Variants in RTRAF observed in about 807,000 individuals in gnomAD.
RTRAF encodes tRNA-splicing ligase complex subunit RTRAF.
A neutral mutation model predicts 34.4 loss-of-function variants in RTRAF; 14 were observed. The ratio of observed to expected loss-of-function variants is 0.41; its 90% CI spans 0.27 to 0.64. The LOEUF (loss-of-function observed/expected upper bound fraction) is 0.64, where lower values mean the gene tolerates loss of function less well. Ranked by LOEUF, RTRAF falls within the 30% of genes least tolerant of loss-of-function variation. RTRAF has a pLI of 0.34. For synonymous variants in RTRAF, 96 were observed against 95.3 expected, an observed-to-expected ratio of 1.01 and a Z score of -0.04; for missense variants, 291 against 288.4, an observed-to-expected ratio of 1.01 and a Z score of -0.06.
At chr14:51,999,580 A>G (rs900333921) in intron 4 of RTRAF, 128 bp from the exon 5 acceptor site, 1 of 576,476 alleles carries the variant, frequency 1.7e-6, no homozygotes, top group African/African-American at 1.9e-5. Context: ...TCTTGTGAGT[A>G]GCAGTTTTAA....
intron 5 of RTRAF, 117 bp from the exon 6 acceptor site, chr14:52,001,681 A>C (rs1429408129): frequency 2.8e-6 from 2 of 718,394 alleles, no homozygotes; most frequent in Non-Finnish European, 4.6e-6. Context: ...GAGTTTATTA[A>C]TGAACTTAGG....
Position 51,989,670 on chromosome 14 carries a change from T to C in RTRAF, c.31T>C (p.Tyr11His). MFRRKLTALD[Y>H]HNPAGFNCKD... ...CCGACGCAAGTTGACGGCTCTCGAC[T>C]ACCACAACCCCGCCGGCTTCAACTG... The change falls in exon 1 of 8, where the codon TAC (tyrosine) becomes CAC (histidine). Residue 11 changes from tyrosine (Y) to histidine (H), a missense_variant. Tyr to His is a moderately conservative substitution (Grantham distance 83, BLOSUM62 2). Coordinates refer to ENST00000261700, the MANE Select transcript of RTRAF (RefSeq NM_016039.3). The C allele has an allele frequency of 1.2e-6, 2 of 1,606,458 alleles. No homozygotes were observed. Among genetic ancestry groups the C allele is most frequent in the Non-Finnish European group, 1.7e-6 (2 of 1,176,944 alleles).
At chr14:52,003,903 A>G (rs1566734918) in intron 6 of RTRAF, 2 of 347,602 alleles carry the variant, frequency 5.8e-6, no homozygotes, top group Non-Finnish European at 1.0e-5. Context: ...ATGACAAGGC[A>G]CTGCTGCAAT....
At chr14:52,002,076 C>T (rs1244616673) in intron 6 of RTRAF, among the ~76,000 whole-genome samples, 1 of 152,162 alleles carries the variant, frequency 6.6e-6, no homozygotes, top group Non-Finnish European at 1.5e-5. Flanking sequence ...ATGTTCCTCT[C>T]ACTTTGTACC....
rs1489330500 is a variant in RTRAF at position 52,007,818 on chromosome 14, G to A, written c.*3302G>A. The A allele has an allele frequency of 6.2e-7, 1 of 1,613,564 alleles. No homozygotes were observed. The highest frequency in any genetic ancestry group is 8.5e-7 in the Non-Finnish European group (1 of 1,179,694). On this transcript the variant is annotated 3_prime_UTR_variant, in exon 8 of 8. Coordinates refer to ENST00000261700, the MANE Select transcript of RTRAF (RefSeq NM_016039.3). Reference sequence around the variant, plus strand: ...TCCATCAGTAGTATTACCTGCATCTGCCCAGCAGAGCAGTTTAGAGAAAGG... The same window carrying A: ...TCCATCAGTAGTATTACCTGCATCTACCCAGCAGAGCAGTTTAGAGAAAGG...
chr14:51,999,871 A>T, intron 5 of RTRAF, 75 bp downstream of exon 5: 1 of 1,003,416 alleles, frequency 1.0e-6, no homozygotes, highest in South Asian at 1.5e-5. Context: ...AATATTAACT[A>T]TTGATATTAA....
chr14:52,010,609 T>G lies in RTRAF; in HGVS notation c.*6093T>G. The G allele has an allele frequency of 3.1e-6, 1 of 325,014 alleles. No homozygotes were observed. Among genetic ancestry groups the G allele is most frequent in the South Asian group, 5.4e-5 (1 of 18,460 alleles). 20.1% of individuals were successfully genotyped at this position (325,014 alleles called of 1,614,324 possible). On this transcript the variant is annotated 3_prime_UTR_variant, in exon 8 of 8. Transcript: ENST00000261700. Reference sequence around the variant, plus strand: ...TAGCCCTAGTTCTCACAACACTATCTGAATTTTCTACATATCACATCACAG... The same window carrying G: ...TAGCCCTAGTTCTCACAACACTATCGGAATTTTCTACATATCACATCACAG...
At chr14:51,995,569 C>CT (rs1225001424) in intron 3 of RTRAF, among the ~76,000 whole-genome samples, 1 of 152,104 alleles carries the variant, frequency 6.6e-6, no homozygotes, top group Non-Finnish European at 1.5e-5. Flanking sequence ...ACATGGACAT[C>CT]TTGGGGGGTA....
chr14:52,008,786 G>A lies in RTRAF; in HGVS notation c.*4270G>A, dbSNP rs1034790433. 6.6e-6 allele frequency: 1 copy of A among 152,130 alleles called. No homozygotes were observed. The highest frequency in any genetic ancestry group is 1.5e-5 in the Non-Finnish European group (1 of 68,028). The allele number at this position is 152,130 out of a possible 1,614,324, so 9.4% of individuals were successfully genotyped here. On this transcript the variant is annotated 3_prime_UTR_variant, in exon 8 of 8. Coordinates refer to ENST00000261700, the MANE Select transcript of RTRAF (RefSeq NM_016039.3). The stretch of plus-strand genomic sequence containing the variant: ...TGGAACTTGAAGAGATGTGGACCAG[G>A]GATTTGAGAAGGAAACTGTTCTTTC...
chr14:51,994,134 G>A (rs1358222878), intron 3 of RTRAF, among the ~76,000 whole-genome samples: 1 of 152,174 alleles, frequency 6.6e-6, no homozygotes, highest in South Asian at 2.1e-4. Flanking sequence ...ATGGGACTTT[G>A]AAGTGTTGTT....
In RTRAF at chr14:52,006,082, G is replaced by A. The variant is rs1262748387; in HGVS notation, c.*1566G>A. On this transcript the variant is annotated 3_prime_UTR_variant, in exon 8 of 8. Coordinates refer to ENST00000261700, the MANE Select transcript of RTRAF (RefSeq NM_016039.3). ...CTATCAAATCAGAGTTGTAGGGCATGGTGTAAAGGGCTTAGACTTTAATGT... is the reference window on the plus strand; with the variant it reads ...CTATCAAATCAGAGTTGTAGGGCATAGTGTAAAGGGCTTAGACTTTAATGT... 1.9e-6 allele frequency: 1 copy of A among 515,936 alleles called. No individual in the cohort carries two copies. The highest frequency in any genetic ancestry group is 3.5e-5 in the East Asian group (1 of 28,866). The allele number at this position is 515,936 out of a possible 1,614,324, so 32.0% of individuals were successfully genotyped here. A position where few individuals can be genotyped will look rare whatever the true frequency, so the allele number is the denominator to read the frequency against.
At chr14:52,003,425 T>G (rs1890639828) in intron 6 of RTRAF, among the ~76,000 whole-genome samples, 1 of 152,152 alleles carries the variant, frequency 6.6e-6, no homozygotes, top group Non-Finnish European at 1.5e-5. Flanking sequence ...TAGATTTACA[T>G]TACTAGATAA....
rs1291656360 is a variant in RTRAF at position 52,007,900 on chromosome 14, T to A, written c.*3384T>A. ...TCTGTATTGATCAGAATTCTTCTGT[T>A]TTCTCCATCTAAAGATGACGTTTCA... On this transcript the variant is annotated 3_prime_UTR_variant, in exon 8 of 8. Coordinates refer to ENST00000261700, the MANE Select transcript of RTRAF (RefSeq NM_016039.3). The A allele has an allele frequency of 5.0e-6, 8 of 1,613,986 alleles. No homozygotes were observed. Among genetic ancestry groups the A allele is most frequent in the Non-Finnish European group, 4.2e-6 (5 of 1,179,864 alleles).
intron 1 of RTRAF, among the ~76,000 whole-genome samples, 196 bp downstream of exon 1, chr14:51,989,896 A>C (rs950189952): frequency 6.7e-6 from 1 of 149,864 alleles, no homozygotes; most frequent in Admixed American, 6.6e-5. Context: ...CCTCTCACCT[A>C]CTCCTGTCTC....
rs1555361609 is a variant in RTRAF at position 52,007,553 on chromosome 14, T to C, written c.*3037T>C. ...TTCAACAATGGCTAATTCTTTTAAC[T>C]GTTAAAAATATGCCAGGCACTCATG... On this transcript the variant is annotated 3_prime_UTR_variant, in exon 8 of 8. Coordinates refer to ENST00000261700, the MANE Select transcript of RTRAF (RefSeq NM_016039.3). 5 of 441,946 alleles carry C rather than the reference T, an allele frequency of 1.1e-5. No individual in the cohort carries two copies. Among genetic ancestry groups the C allele is most frequent in the Non-Finnish European group, 2.0e-5 (5 of 249,504 alleles). 27.4% of individuals were successfully genotyped at this position (441,946 alleles called of 1,614,324 possible). A position where few individuals can be genotyped will look rare whatever the true frequency, so the allele number is the denominator to read the frequency against.
rs768313510 is a variant in RTRAF at position 51,991,418 on chromosome 14, G to A, written c.163G>A (p.Asp55Asn). The change falls in exon 2 of 8, where the codon GAC becomes AAC. Residue 55 changes from aspartate to asparagine, a missense_variant. Physicochemically the swap from Asp to Asn is conservative, Grantham distance 23. Transcript: ENST00000261700. ...RGNLRNIHSS[D>N]WPKFFEKYLR... ...GAATTTAAGAAACATCCACAGCAGCGACTGGCCCAAGTTCTTTGAAAAGGT... is the reference window on the plus strand; with the variant it reads ...GAATTTAAGAAACATCCACAGCAGCAACTGGCCCAAGTTCTTTGAAAAGGT... 18 of 1,613,142 alleles carry A rather than the reference G, an allele frequency of 1.1e-5. No individual in the cohort carries two copies. Among genetic ancestry groups the A allele is most frequent in the Non-Finnish European group, 1.5e-5 (18 of 1,179,490 alleles).
chr14:51,999,210 G>C (rs1245113767), intron 4 of RTRAF: 2 of 152,974 alleles, frequency 1.3e-5, no homozygotes, highest in African/African-American at 4.8e-5. Flanking sequence ...AAAGTTACAG[G>C]ACAAATATAA....
chr14:51,999,276 T>C (rs1377487022), intron 4 of RTRAF: 1 of 155,246 alleles, frequency 6.4e-6, no homozygotes, highest in African/African-American at 2.4e-5. Flanking sequence ...GAAATACAGA[T>C]ACTCCTTGAC....
intron 5 of RTRAF, 133 bp downstream of exon 5, chr14:51,999,929 G>A: frequency 1.6e-6 from 1 of 613,392 alleles, no homozygotes; most frequent in Non-Finnish European, 2.8e-6. Flanking sequence ...GAAACATAAA[G>A]TAGATTTCAT....
Sources: allele counts gnomAD v4.1 joint callset (sites outside exome capture counted in the v4.1 genomes callset), GRCh38; gene constraint gnomAD v4.1.1; transcripts MANE v1.5; gene names NCBI Gene and HGNC (gene_info 2026-07-23, HGNC 2026-07-21).